Variants in FARP1 observed in about 807,000 individuals in gnomAD.
FARP1 encodes FERM, ARH/RhoGEF and pleckstrin domain protein 1, also known as FERM, ARHGEF and pleckstrin domain-containing protein 1.
A neutral mutation model predicts 128.8 loss-of-function variants in FARP1; 52 were observed. The observed-to-expected ratio is 0.40, with a 90% CI of 0.32 to 0.51. The LOEUF (loss-of-function observed/expected upper bound fraction) is 0.51, where lower values mean the gene tolerates loss of function less well. FARP1 is among the 20% of genes least tolerant of loss of function. The pLI is 0.45. For missense variants in FARP1, 1,333 were observed against 1,367.9 expected (o/e 0.97, Z 0.40); for synonymous variants, 580 against 551.8 (o/e 1.05, Z -0.72).
intron 12 of FARP1, 109 bp from the exon 13 acceptor site, chr13:98,395,118 C>T: frequency 4.5e-6 from 6 of 1,337,892 alleles, no homozygotes; most frequent in African/African-American, 4.4e-5. Context: ...GTTCTCCCGC[C>T]GCAGAGGCCT....
chr13:98,395,235 G>C lies in FARP1; in HGVS notation c.1173G>C (p.Gln391His). ...TTCCCCACCCCACCCAGTCTCAGCA[G>C]AGCACCAGCCTTACATTTGGAGAAG... ...LNSEVLEQSQ[Q>H]STSLTFGEGA... Residue 391 changes from glutamine to histidine, a missense_variant, in exon 13 of 27, where the codon CAG becomes CAC. Gln to His is a conservative substitution (Grantham distance 24). Around this residue, in one of 2 missense-constraint regions of FARP1, gnomAD observed 1,009 missense variants for 969.8 expected, o/e 1.04. Coordinates refer to ENST00000319562, the MANE Select transcript of FARP1 (RefSeq NM_005766.4). The C allele has an allele frequency of 6.3e-7, 1 of 1,595,804 alleles. No individual in the cohort carries two copies. The highest frequency in any genetic ancestry group is 8.6e-7 in the Non-Finnish European group (1 of 1,165,286).
intron 2 of FARP1, among the ~76,000 whole-genome samples, chr13:98,311,129 C>T (rs1048262586): frequency 6.6e-6 from 1 of 152,208 alleles, no homozygotes; most frequent in African/African-American, 2.4e-5. Context: ...AACAGCAGCA[C>T]CACTCTTGAT....
intron 2 of FARP1, among the ~76,000 whole-genome samples, chr13:98,289,991 C>G (rs1270267895): frequency 1.3e-5 from 2 of 152,000 alleles, no homozygotes; most frequent in Non-Finnish European, 2.9e-5. Context: ...CTTCTCCCCA[C>G]AACACCCCCA....
intron 1 of FARP1, among the ~76,000 whole-genome samples, chr13:98,210,673 C>T (rs1880643175): frequency 6.6e-6 from 1 of 152,104 alleles, no homozygotes; most frequent in African/African-American, 2.4e-5. Flanking sequence ...CCTCAGCCTC[C>T]CGAGTAGCTG....
chr13:98,218,128 C>G (rs1031911477), intron 2 of FARP1, among the ~76,000 whole-genome samples: 2 of 152,004 alleles, frequency 1.3e-5, no homozygotes, highest in Admixed American at 6.6e-5. Flanking sequence ...GGCCCTCCCC[C>G]ACCCCACATC....
intron 2 of FARP1, among the ~76,000 whole-genome samples, chr13:98,283,608 C>T (rs931376616): frequency 8.5e-5 from 13 of 152,076 alleles, no homozygotes; most frequent in African/African-American, 2.9e-4. Context: ...ATTTTATCAG[C>T]CTATTCACTA....
In FARP1 at chr13:98,440,011, G is replaced by T; in HGVS notation, c.2484G>T (p.Arg828=). Residue 828 remains arginine, a synonymous_variant, in exon 22 of 27, where the codon CGG becomes CGT. Coordinates refer to ENST00000319562, the MANE Select transcript of FARP1 (RefSeq NM_005766.4). The part of the protein sequence containing the change: ...EWGVPHCLTL[R]GQRQSIIVAA... ...GGGTGCCCCACTGCCTGACCCTCCG[G>T]GGCCAGCGGCAGTCCATCATCGTGG... 1.2e-6 allele frequency: 2 copies of T among 1,603,638 alleles called. No homozygotes were observed. Among genetic ancestry groups the T allele is most frequent in the South Asian group, 2.2e-5 (2 of 90,112 alleles).
At chr13:98,226,356 A>G (rs915547358) in intron 2 of FARP1, among the ~76,000 whole-genome samples, 6 of 152,108 alleles carry the variant, frequency 3.9e-5, no homozygotes, top group Non-Finnish European at 7.3e-5. Flanking sequence ...CCCCTTTCGT[A>G]AGGACATGGT....
intron 2 of FARP1, among the ~76,000 whole-genome samples, chr13:98,301,569 C>T (rs1371905995): frequency 6.6e-6 from 1 of 152,192 alleles, no homozygotes; most frequent in African/African-American, 2.4e-5. Flanking sequence ...TGTCTTTCTA[C>T]ATTCCTGGGA....
intron 3 of FARP1, among the ~76,000 whole-genome samples, chr13:98,344,988 A>ACATGAAAGGTG: frequency 6.6e-6 from 1 of 152,332 alleles, no homozygotes; most frequent in Middle Eastern, 3.4e-3. Flanking sequence ...ATCAGACTTC[A>ACATGAAAGGTG]CATGAAAGGT....
intron 3 of FARP1, among the ~76,000 whole-genome samples, chr13:98,359,302 G>A (rs946265236): frequency 6.6e-6 from 1 of 152,338 alleles, no homozygotes; most frequent in East Asian, 1.9e-4. Context: ...CTGGCACACA[G>A]TGGGTGCTCA....
rs80183281 is a variant in FARP1 at position 98,453,275 on chromosome 13, T to C, written c.*4958T>C. ...TCTCATCCCTGTGCAAAAATTCATA[T>C]AGTAACCAAAATCTTAGTTTTCATA... On this transcript the variant is annotated 3_prime_UTR_variant, in exon 27 of 27. Transcript: ENST00000319562. 3.8e-4 allele frequency: 573 copies of C among 1,513,504 alleles called. 2 individuals are homozygous for C. The East Asian group carries it at 0.011, about 30-fold the overall frequency. 93.8% of individuals were successfully genotyped at this position (1,513,504 alleles called of 1,614,324 possible).
chr13:98,185,413 G>C (rs560247342), intron 1 of FARP1, among the ~76,000 whole-genome samples: 9 of 152,232 alleles, frequency 5.9e-5, no homozygotes, highest in Admixed American at 2.0e-4. Flanking sequence ...TTCAGGTGTC[G>C]TTTTGTCCTA....
chr13:98,284,935 G>T (rs1005463909), intron 2 of FARP1, among the ~76,000 whole-genome samples: 5 of 152,146 alleles, frequency 3.3e-5, no homozygotes, highest in African/African-American at 9.7e-5. Context: ...TGTCACTCCT[G>T]TTAACAGAGG....
At chr13:98,207,511 G>A (rs1880341430) in intron 1 of FARP1, among the ~76,000 whole-genome samples, 2 of 152,032 alleles carry the variant, frequency 1.3e-5, no homozygotes, top group African/African-American at 2.4e-5. Context: ...GGTGAGGTGG[G>A]AGAGTAGAGC....
chr13:98,337,538 CGTGTGT>C (rs60625244), intron 2 of FARP1, among the ~76,000 whole-genome samples: 16,222 of 131,992 alleles, frequency 0.12, 999 homozygotes, highest in Admixed American at 0.15. Context: ...TCTGTGTAGC[CGTGTGT>C]GTGTGTGTGT....
upstream of FARP1, chr13:98,143,008 C>A (rs925474146): frequency 4.0e-5 from 6 of 148,628 alleles, no homozygotes. Flanking sequence ...CTGTGGCTCT[C>A]CCGCGTCCCC....
chr13:98,226,972 G>A (rs1881817606), intron 2 of FARP1, among the ~76,000 whole-genome samples: 1 of 151,314 alleles, frequency 6.6e-6, no homozygotes, highest in Non-Finnish European at 1.5e-5. Context: ...ATGGAGTCTT[G>A]CTCTGTTGTC....
chr13:98,371,958 G>A (rs747982110), intron 5 of FARP1, among the ~76,000 whole-genome samples: 3 of 152,084 alleles, frequency 2.0e-5, no homozygotes, highest in Admixed American at 6.5e-5. Flanking sequence ...TTATTGAACT[G>A]CAGGTGGAAT....
Sources: allele counts gnomAD v4.1 joint callset (sites outside exome capture counted in the v4.1 genomes callset), GRCh38; gene constraint gnomAD v4.1.1; regional missense constraint gnomAD v4.1.1; transcripts MANE v1.5; gene names NCBI Gene and HGNC (gene_info 2026-07-23, HGNC 2026-07-21).